Variants in PKNOX2 observed in about 807,000 individuals in gnomAD.
PKNOX2 encodes PBX/knotted 1 homeobox 2.
PKNOX2 carries 14 observed loss-of-function variants against 53.1 expected under a neutral mutation model. The observed-to-expected ratio is 0.26, with a 90% confidence interval of 0.17 to 0.41. The LOEUF (loss-of-function observed/expected upper bound fraction) is 0.41. Among genes scored for constraint, PKNOX2 ranks in the 10% least tolerant of loss-of-function variants. The pLI is 1.00. For synonymous variants in PKNOX2, 257 were observed against 242.8 expected, an observed-to-expected ratio of 1.06 and a Z score of -0.54; for missense variants, 496 against 602.8, an observed-to-expected ratio of 0.82 and a Z score of 1.85.
chr11:125,340,216 C>T (rs1169955819), intron 3 of PKNOX2, among the ~76,000 whole-genome samples: 2 of 152,182 alleles, frequency 1.3e-5, no homozygotes, highest in African/African-American at 4.8e-5. Context: ...AAAGCCCAGG[C>T]TCGGCAACAC....
At chr11:125,334,802 C>G (rs999090683) in intron 3 of PKNOX2, among the ~76,000 whole-genome samples, 1 of 146,634 alleles carries the variant, frequency 6.8e-6, no homozygotes, top group Non-Finnish European at 1.5e-5. Context: ...TAGTGTTTTC[C>G]CATGTTCTCC....
intron 3 of PKNOX2, among the ~76,000 whole-genome samples, chr11:125,339,623 C>G (rs1457540107): frequency 6.6e-6 from 1 of 152,172 alleles, no homozygotes; most frequent in Non-Finnish European, 1.5e-5. Flanking sequence ...CCACTTCACT[C>G]CTCCTGGGCC....
At chr11:125,167,425 C>A (rs1317739711) in intron 1 of PKNOX2, among the ~76,000 whole-genome samples, 2 of 152,066 alleles carry the variant, frequency 1.3e-5, no homozygotes, top group African/African-American at 4.8e-5. Flanking sequence ...GCTTGGAATT[C>A]GTGAGAGCTC....
intron 6 of PKNOX2, among the ~76,000 whole-genome samples, chr11:125,392,208 C>T (rs1315309544): frequency 6.6e-6 from 1 of 152,216 alleles, no homozygotes; most frequent in Non-Finnish European, 1.5e-5. Flanking sequence ...CCTTTAGCCC[C>T]TTTCAAATCT....
At chr11:125,281,728 C>T (rs772662203) in intron 2 of PKNOX2, among the ~76,000 whole-genome samples, 1 of 152,158 alleles carries the variant, frequency 6.6e-6, no homozygotes, top group Non-Finnish European at 1.5e-5. Flanking sequence ...GCTTGCCAGC[C>T]GGGGGACAAC....
chr11:125,371,607 A>G (rs1032629504), intron 5 of PKNOX2, among the ~76,000 whole-genome samples: 4 of 151,924 alleles, frequency 2.6e-5, no homozygotes, highest in Admixed American at 6.6e-5. Flanking sequence ...TGGTGTCCTG[A>G]GGAGCGGAAG....
Position 125,348,289 on chromosome 11 carries a change from G to A in PKNOX2, c.-22-2995G>A, listed in dbSNP as rs144449827. On this transcript the variant is annotated intron_variant, in intron 3 of 12. Coordinates refer to ENST00000298282, the MANE Select transcript of PKNOX2 (RefSeq NM_001382323.2). ...AGGAAAAGAGCCAGCTTCCGGACAC[G>A]GGTGCAGGGTCTCCAGCAGCTGAGC... Among the ~76,000 whole-genome samples, 482 of 152,334 alleles carry A rather than the reference G, an allele frequency of 3.2e-3. 3 individuals carry two copies. Among genetic ancestry groups the A allele is most frequent in the African/African-American group, 0.011 (444 of 41,574 alleles).
chr11:125,167,420 G>A (rs1954970817), intron 1 of PKNOX2, among the ~76,000 whole-genome samples: 1 of 152,134 alleles, frequency 6.6e-6, no homozygotes, highest in South Asian at 2.1e-4. Flanking sequence ...TGTAGGCTTG[G>A]AATTCGTGAG....
rs10893346 is a variant in PKNOX2 at position 125,189,413 on chromosome 11, A to G, written c.-201+24637A>G. On this transcript the variant is annotated intron_variant, in intron 1 of 12. Transcript: ENST00000298282. ...TATATATATATGTGTGTATATATAT[A>G]TGTGTGTGTGTGTGTGTGTGTGTGT... is the stretch of plus-strand genomic sequence containing the variant. 1.3e-3 allele frequency among the ~76,000 whole-genome samples: 85 copies of G among 65,154 alleles called. 1 individual carries two copies. Among genetic ancestry groups the G allele is most frequent in the Admixed American group, 1.7e-3 (8 of 4,664 alleles). The allele number at this position is 65,154 out of a possible 152,430, so 42.7% of individuals were successfully genotyped here.
intron 5 of PKNOX2, among the ~76,000 whole-genome samples, chr11:125,368,242 CT>C (rs1390988035): frequency 6.6e-6 from 1 of 152,188 alleles, no homozygotes; most frequent in East Asian, 1.9e-4. Context: ...GAGATGACCC[CT>C]AATGGGTATC....
intron 3 of PKNOX2, among the ~76,000 whole-genome samples, chr11:125,346,534 G>GGAAATGA (rs1388030250): frequency 6.6e-6 from 1 of 152,186 alleles, no homozygotes; most frequent in Non-Finnish European, 1.5e-5. Flanking sequence ...TTAGATCATG[G>GGAAATGA]GAACTGAGAA....
At chr11:125,287,914 G>C (rs1348417321) in intron 2 of PKNOX2, 7 of 152,254 alleles carry the variant, frequency 4.6e-5, no homozygotes, top group Admixed American at 4.6e-4. Flanking sequence ...CCTGCAGCCT[G>C]TCAGCAGGGC....
chr11:125,249,913 A>C (rs1388684442), intron 2 of PKNOX2, among the ~76,000 whole-genome samples: 1 of 152,072 alleles, frequency 6.6e-6, no homozygotes, highest in African/African-American at 2.4e-5. Context: ...TCTACTAAAA[A>C]TATTAGCCAG....
chr11:125,242,619 C>G (rs925929747), intron 2 of PKNOX2, among the ~76,000 whole-genome samples: 4 of 150,572 alleles, frequency 2.7e-5, no homozygotes, highest in African/African-American at 9.8e-5. Flanking sequence ...TAGAGCAGCC[C>G]AGGGGAAATG....
intron 7 of PKNOX2, among the ~76,000 whole-genome samples, chr11:125,405,059 G>C (rs1002485665): frequency 3.3e-4 from 50 of 152,264 alleles, no homozygotes; most frequent in Admixed American, 2.7e-3. Context: ...TCTAGTGGCC[G>C]GGGGGAGGAT....
At chr11:125,336,185 C>A (rs533355579) in intron 3 of PKNOX2, among the ~76,000 whole-genome samples, 10 of 152,174 alleles carry the variant, frequency 6.6e-5, no homozygotes, top group Non-Finnish European at 1.5e-4. Flanking sequence ...GAGGAAAAAG[C>A]AAACAGTGTA....
At chr11:125,327,062 CA>C (rs1478030018) in intron 2 of PKNOX2, among the ~76,000 whole-genome samples, 6 of 152,210 alleles carry the variant, frequency 3.9e-5, no homozygotes, top group African/African-American at 1.4e-4. Flanking sequence ...CCAACTGGGA[CA>C]AAAAAGCTTG....
chr11:125,414,035 G>C (rs910713563), intron 10 of PKNOX2, among the ~76,000 whole-genome samples: 1 of 152,108 alleles, frequency 6.6e-6, no homozygotes, highest in South Asian at 2.1e-4. Context: ...TGTCCCTCCT[G>C]GTCATGCCTG....
Position 125,410,811 on chromosome 11 carries a change from A to T in PKNOX2, c.751A>T (p.Thr251Ser). The T allele has an allele frequency of 6.2e-7, 1 of 1,611,650 alleles. No individual in the cohort carries two copies. The highest frequency in any genetic ancestry group is 2.2e-5 in the East Asian group (1 of 44,772). The change falls in exon 9 of 13, where the codon ACC (threonine) becomes TCC (serine). Residue 251 changes from threonine (T) to serine (S), a missense_variant. Transcript: ENST00000298282. ...GALYQPVTMV[T>S]SQGQVVTQAI... ...CTTATACCAACCGGTTACCATGGTA[A>T]CCTCCCAGGGTCAGGTGGTCACCCA...
Sources: allele counts gnomAD v4.1 joint callset (sites outside exome capture counted in the v4.1 genomes callset), GRCh38; gene constraint gnomAD v4.1.1; transcripts MANE v1.5; gene names NCBI Gene and HGNC (gene_info 2026-07-23, HGNC 2026-07-21).